The following FIP1L1 variants were observed in gnomAD, a reference collection of about 807,000 sequenced individuals.
FIP1L1 encodes the protein factor interacting with PAPOLA and CPSF1, also known as pre-mRNA 3'-end-processing factor FIP1.
A neutral mutation model predicts 84.6 loss-of-function variants in FIP1L1; 21 were observed. The ratio of observed to expected loss-of-function variants is 0.25; its 90% CI spans 0.18 to 0.36. The LOEUF (loss-of-function observed/expected upper bound fraction) is 0.36. FIP1L1 is among the 10% of genes least tolerant of loss of function. The pLI is 1.00. For missense variants in FIP1L1, 526 were observed against 751.1 expected (o/e 0.70, Z 3.50); for synonymous variants, 263 against 242.3 (o/e 1.09, Z -0.80).
At chr4:53,381,040 C>T (rs1283143648) in intron 3 of FIP1L1, among the ~76,000 whole-genome samples, 1 of 152,160 alleles carries the variant, frequency 6.6e-6, no homozygotes, top group Non-Finnish European at 1.5e-5. Flanking sequence ...TCACTGTCAA[C>T]ATAGCTTTAT....
At chr4:53,440,319 C>G (rs921724292) in intron 13 of FIP1L1, among the ~76,000 whole-genome samples, 3 of 151,900 alleles carry the variant, frequency 2.0e-5, no homozygotes, top group African/African-American at 7.2e-5. Flanking sequence ...CATAAGTGTG[C>G]TTTTTAACTG....
At chr4:53,401,610 G>T (rs992869750) in intron 10 of FIP1L1, among the ~76,000 whole-genome samples, 3 of 152,176 alleles carry the variant, frequency 2.0e-5, no homozygotes, top group Admixed American at 1.3e-4. Context: ...TATCTTGATG[G>T]ATTGGATGTA....
intron 11 of FIP1L1, among the ~76,000 whole-genome samples, chr4:53,425,201 CATT>C (rs1763855904): frequency 6.6e-6 from 1 of 152,050 alleles, no homozygotes; most frequent in South Asian, 2.1e-4. Flanking sequence ...TAGCTTTTAA[CATT>C]ATTTTATTTA....
intron 10 of FIP1L1, among the ~76,000 whole-genome samples, chr4:53,404,616 A>C (rs1045603347): frequency 6.6e-6 from 1 of 150,888 alleles, no homozygotes. Context: ...GAACTACTTT[A>C]CAGTCCCACC....
At chr4:53,448,480 AT>A (rs1368469122) in intron 15 of FIP1L1, among the ~76,000 whole-genome samples, 1 of 152,134 alleles carries the variant, frequency 6.6e-6, no homozygotes, top group Non-Finnish European at 1.5e-5. Context: ...TGAGATTTTG[AT>A]TAATAACATT....
intron 10 of FIP1L1, among the ~76,000 whole-genome samples, chr4:53,405,269 C>A (rs1248875232): frequency 6.6e-6 from 1 of 151,948 alleles, no homozygotes; most frequent in African/African-American, 2.4e-5. Flanking sequence ...ATAGGGAATC[C>A]TTTCCCCATT....
intron 10 of FIP1L1, among the ~76,000 whole-genome samples, chr4:53,413,943 T>G (rs964904581): frequency 3.5e-4 from 53 of 152,278 alleles, no homozygotes; most frequent in African/African-American, 1.3e-3. Context: ...GTTTTTCCTG[T>G]GTTTCTTTTT....
Position 53,460,661 on chromosome 4 carries a change from G to GA in FIP1L1, c.*1218dup, listed in dbSNP as rs1182549777. 7.9e-6 allele frequency: 3 copies of GA among 381,830 alleles called. No individual in the cohort carries two copies. The highest frequency in any genetic ancestry group is 4.5e-5 in the South Asian group (1 of 22,174). The allele number at this position is 381,830 out of a possible 1,614,324, so 23.7% of individuals were successfully genotyped here. A position where few individuals can be genotyped will look rare whatever the true frequency, so the allele number is the denominator to read the frequency against. On this transcript the variant is annotated 3_prime_UTR_variant, in exon 18 of 18. Coordinates refer to ENST00000337488, the MANE Select transcript of FIP1L1 (RefSeq NM_030917.4). ...TTGTTTTAGGGCTTTTTATTGAATA[G>GA]AAAAAATATAAACAATGTTGTAGAG...
intron 9 of FIP1L1, among the ~76,000 whole-genome samples, chr4:53,398,082 A>G (rs528954019): frequency 2.6e-5 from 4 of 152,112 alleles, no homozygotes; most frequent in Admixed American, 6.5e-5. Context: ...AATATTTATT[A>G]TATTGCTCTG....
Position 53,460,802 on chromosome 4 carries a change from C to T in FIP1L1, c.*1353C>T. 1.8e-6 allele frequency: 2 copies of T among 1,126,704 alleles called. No individual in the cohort carries two copies. The highest frequency in any genetic ancestry group is 2.6e-5 in the Admixed American group (1 of 38,050). 69.8% of individuals were successfully genotyped at this position (1,126,704 alleles called of 1,614,324 possible). On this transcript the variant is annotated 3_prime_UTR_variant, in exon 18 of 18. Transcript: ENST00000337488. ...GATCATACTTTTCCTGACATTTTTA[C>T]AATGTATTCTTTCTTTAAATATAAA... is the stretch of plus-strand genomic sequence containing the variant.
chr4:53,397,457 G>A (rs12233879), intron 9 of FIP1L1, among the ~76,000 whole-genome samples: 16,775 of 152,186 alleles, frequency 0.11, 1,069 homozygotes, highest in East Asian at 0.16. Context: ...GAATGGAGTG[G>A]CATGCATCTT....
At chr4:53,440,644 A>C in intron 13 of FIP1L1, 2 of 1,416,854 alleles carry the variant, frequency 1.4e-6, no homozygotes, top group Non-Finnish European at 2.0e-6. Context: ...ATCATTGTTA[A>C]TAAACATGAA....
At chr4:53,414,313 A>G (rs1245282745) in intron 10 of FIP1L1, among the ~76,000 whole-genome samples, 1 of 152,092 alleles carries the variant, frequency 6.6e-6, no homozygotes, top group Non-Finnish European at 1.5e-5. Context: ...ACAGAAATGT[A>G]TTTTTTGATT....
Position 53,378,141 on chromosome 4 carries a change from C to T in FIP1L1, c.85+218C>T, listed in dbSNP as rs190115613. The T allele has an allele frequency of 2.5e-4, 107 of 427,774 alleles. No homozygotes were observed. The East Asian group carries it at 3.8e-3, about 15-fold the overall frequency. The allele number at this position is 427,774 out of a possible 1,614,324, so 26.5% of individuals were successfully genotyped here. ...CCACCATGCGCATCCACCCCTGTGGCGGCCGGGCCGGGCTGGGGGGCTGTG... is the reference window on the plus strand; with the variant it reads ...CCACCATGCGCATCCACCCCTGTGGTGGCCGGGCCGGGCTGGGGGGCTGTG... On this transcript the variant is annotated intron_variant, in intron 1 of 17. Coordinates refer to ENST00000337488, the MANE Select transcript of FIP1L1 (RefSeq NM_030917.4).
rs115968961 is a variant in FIP1L1 at position 53,434,429 on chromosome 4, G to T, written c.1174+6246G>T. Among the ~76,000 whole-genome samples the T allele has an allele frequency of 7.3e-3, 1,112 of 151,660 alleles. 14 individuals carry two copies. The highest frequency in any genetic ancestry group is 0.025 in the African/African-American group (1,040 of 41,354). On this transcript the variant is annotated intron_variant, in intron 13 of 17. Coordinates refer to ENST00000337488, the MANE Select transcript of FIP1L1 (RefSeq NM_030917.4). ...TTATGTGGCCCCTGGAAACTACACT[G>T]TAAGAGAATGAGCATGAAAAAGGCA...
Position 53,381,753 on chromosome 4 carries a change from C to CTTTTTTTTTTTTT in FIP1L1, c.171-513_171-501dup, listed in dbSNP as rs531488760. On this transcript the variant is annotated intron_variant, in intron 3 of 17. Coordinates refer to ENST00000337488, the MANE Select transcript of FIP1L1 (RefSeq NM_030917.4). Reference sequence around the variant, plus strand: ...AATAAACTGTGAAGGCATTTGCATTCTTTTTTTTTTTTTTTTTTTTTTTTG... The same window carrying CTTTTTTTTTTTTT: ...AATAAACTGTGAAGGCATTTGCATTCTTTTTTTTTTTTTTTTTTTTTTTTTTTTTTTTTTTTTG... 3.4e-3 allele frequency among the ~76,000 whole-genome samples: 303 copies of CTTTTTTTTTTTTT among 87,898 alleles called. 60 individuals are homozygous for CTTTTTTTTTTTTT. Among genetic ancestry groups the CTTTTTTTTTTTTT allele is most frequent in the African/African-American group, 0.012 (218 of 18,006 alleles). The allele number at this position is 87,898 out of a possible 152,430, so 57.7% of individuals were successfully genotyped here.
At chr4:53,449,900 T>C (rs1332957108) in intron 15 of FIP1L1, among the ~76,000 whole-genome samples, 1 of 152,164 alleles carries the variant, frequency 6.6e-6, no homozygotes, top group Non-Finnish European at 1.5e-5. Flanking sequence ...CAGCATATTC[T>C]CTTTATTGTT....
intron 9 of FIP1L1, among the ~76,000 whole-genome samples, chr4:53,392,203 C>T (rs1029637536): frequency 1.3e-5 from 2 of 152,008 alleles, no homozygotes; most frequent in African/African-American, 4.8e-5. Flanking sequence ...ACTCTTTTTT[C>T]TTTACCTTAA....
At chr4:53,458,844 C>T in intron 17 of FIP1L1, 54 bp downstream of exon 17, 1 of 1,568,400 alleles carries the variant, frequency 6.4e-7, no homozygotes, top group Non-Finnish European at 8.7e-7. Context: ...TTTTGACTTA[C>T]TACATTGTCG....
Sources: gnomAD v4.1 joint callset for allele counts (sites outside exome capture counted in the v4.1 genomes callset) on GRCh38, gnomAD v4.1.1 for gene constraint, MANE v1.5 for transcripts, NCBI Gene and HGNC (gene_info 2026-07-23, HGNC 2026-07-21) for gene names.